Variants in ZNF385D observed in about 807,000 individuals in gnomAD.
ZNF385D encodes zinc finger protein 385D, also known as zinc finger protein 659.
A neutral mutation model predicts 35.8 loss-of-function variants in ZNF385D; 15 were observed. The ratio of observed to expected loss-of-function variants is 0.42; its 90% CI spans 0.28 to 0.64. The LOEUF (loss-of-function observed/expected upper bound fraction) is 0.64, where lower values mean the gene tolerates loss of function less well. ZNF385D is among the 30% of genes least tolerant of loss of function. The pLI is 0.23. For missense variants in ZNF385D, 474 were observed against 494.6 expected (o/e 0.96, Z 0.39); for synonymous variants, 212 against 186.8 (o/e 1.13, Z -1.10).
chr3:22,128,914 G>A (rs577482493), intron 3 of ZNF385D, among the ~76,000 whole-genome samples: 1 of 152,088 alleles, frequency 6.6e-6, no homozygotes, highest in Non-Finnish European at 1.5e-5. Context: ...GAAGAACTAG[G>A]TATTTATTCT....
chr3:21,661,810 C>G (rs1489933287), intron 2 of ZNF385D, among the ~76,000 whole-genome samples: 2 of 152,138 alleles, frequency 1.3e-5, no homozygotes, highest in Admixed American at 1.3e-4. Context: ...AGCTCTGATT[C>G]TACATCTTTC....
chr3:21,592,563 C>CA (rs200460514), intron 2 of ZNF385D, among the ~76,000 whole-genome samples: 9,216 of 92,236 alleles, frequency 0.1, 576 homozygotes, highest in East Asian at 0.22. Flanking sequence ...AAACCAAAAA[C>CA]AAAAAAAAAA....
At chr3:21,714,186 A>G (rs561484412) in intron 1 of ZNF385D, among the ~76,000 whole-genome samples, 1 of 139,668 alleles carries the variant, frequency 7.2e-6, no homozygotes. Flanking sequence ...ATTAAAACCC[A>G]TGGTCATTAA....
intron 2 of ZNF385D, among the ~76,000 whole-genome samples, chr3:22,362,439 T>C (rs1039390440): frequency 6.6e-6 from 1 of 152,130 alleles, no homozygotes; most frequent in Non-Finnish European, 1.5e-5. Flanking sequence ...AAAGCAATTT[T>C]CTAAGGTCAA....
intron 2 of ZNF385D, among the ~76,000 whole-genome samples, chr3:22,305,874 C>T (rs1210542556): frequency 6.6e-6 from 1 of 152,116 alleles, no homozygotes; most frequent in East Asian, 1.9e-4. Flanking sequence ...TTTGTTTGGT[C>T]TTAAACTAGA....
At chr3:22,060,274 T>C (rs1204723419) in intron 3 of ZNF385D, among the ~76,000 whole-genome samples, 3 of 152,310 alleles carry the variant, frequency 2.0e-5, no homozygotes, top group Middle Eastern at 3.4e-3. Flanking sequence ...CCTCCTCTTA[T>C]ACTGTGTATC....
intron 2 of ZNF385D, among the ~76,000 whole-genome samples, chr3:22,264,474 A>G (rs1700795060): frequency 6.6e-6 from 1 of 152,038 alleles, no homozygotes; most frequent in African/African-American, 2.4e-5. Flanking sequence ...CAGAGCCTAG[A>G]GGCTAATAGC....
rs961963281 is a variant in ZNF385D, at chr3:22,155,950, T to G, written c.325+12867A>C. ...CAGATACCCCAGGGTAAAAATCAGTTTATCAAGGACTTTGAATTTTAGATG... is the reference window on the plus strand; with the variant it reads ...CAGATACCCCAGGGTAAAAATCAGTGTATCAAGGACTTTGAATTTTAGATG... On this transcript the variant is annotated intron_variant, in intron 3 of 5. Transcript: ENST00000494108. Among the ~76,000 whole-genome samples the G allele has an allele frequency of 4.6e-5, 7 of 152,044 alleles. No homozygotes were observed. The East Asian group carries it at 9.7e-4, about 21-fold the overall frequency.
chr3:21,702,300 AC>A (rs2067719050), intron 1 of ZNF385D, among the ~76,000 whole-genome samples: 1 of 152,124 alleles, frequency 6.6e-6, no homozygotes, highest in African/African-American at 2.4e-5. Context: ...TGGGGCTTCC[AC>A]CCTCTGAAGC....
At chr3:21,983,488 A>G (rs1694627235) in intron 3 of ZNF385D, among the ~76,000 whole-genome samples, 3 of 129,470 alleles carry the variant, frequency 2.3e-5, no homozygotes, top group Admixed American at 8.3e-5. Context: ...TACAAAGGAC[A>G]TGAACTCATC....
intron 3 of ZNF385D, among the ~76,000 whole-genome samples, chr3:22,102,846 T>C (rs1290787554): frequency 6.6e-6 from 1 of 151,516 alleles, no homozygotes; most frequent in African/African-American, 2.4e-5. Flanking sequence ...GGGGCCTTTT[T>C]TTATTTTGAT....
At chr3:21,652,986 G>C (rs938687058) in intron 2 of ZNF385D, among the ~76,000 whole-genome samples, 10 of 151,938 alleles carry the variant, frequency 6.6e-5, no homozygotes, top group Non-Finnish European at 1.3e-4. Flanking sequence ...CTCTTCCAGT[G>C]TCACTCACTC....
At chr3:21,608,704 C>G (rs1049916370) in intron 2 of ZNF385D, among the ~76,000 whole-genome samples, 1 of 152,076 alleles carries the variant, frequency 6.6e-6, no homozygotes, top group African/African-American at 2.4e-5. Flanking sequence ...TGACTTTTCC[C>G]ATGTTTTACC....
At chr3:21,836,665 C>T (rs941758047) in intron 3 of ZNF385D, among the ~76,000 whole-genome samples, 30 of 152,040 alleles carry the variant, frequency 2.0e-4, no homozygotes, top group Non-Finnish European at 1.5e-4. Flanking sequence ...AGTATGTAAA[C>T]GAAGGAGCAC....
At chr3:21,448,154 G>T (rs748046954) in intron 4 of ZNF385D, among the ~76,000 whole-genome samples, 94 of 152,036 alleles carry the variant, frequency 6.2e-4, no homozygotes, top group Non-Finnish European at 1.1e-3. Flanking sequence ...CTAGATTAAA[G>T]GATTTTTCAT....
intron 3 of ZNF385D, among the ~76,000 whole-genome samples, chr3:21,983,168 T>TA (rs1168171593): frequency 2.1e-5 from 1 of 46,880 alleles, no homozygotes; most frequent in Non-Finnish European, 3.9e-5. Flanking sequence ...TATTTTATTA[T>TA]TTTTTTTTAT....
intron 3 of ZNF385D, among the ~76,000 whole-genome samples, chr3:21,813,080 C>G (rs1480913142): frequency 3.9e-5 from 6 of 152,196 alleles, no homozygotes; most frequent in Non-Finnish European, 5.9e-5. Context: ...CCCAGGCAAA[C>G]AGGGTCTGGA....
At chr3:21,596,624 G>A (rs982542081) in intron 2 of ZNF385D, among the ~76,000 whole-genome samples, 1 of 150,552 alleles carries the variant, frequency 6.6e-6, no homozygotes, top group African/African-American at 2.4e-5. Context: ...GAGACTACAG[G>A]CAACATCATG....
At chr3:21,794,513 G>T (rs946690138) in intron 3 of ZNF385D, among the ~76,000 whole-genome samples, 5 of 152,146 alleles carry the variant, frequency 3.3e-5, no homozygotes, top group Non-Finnish European at 7.4e-5. Context: ...CAGTTCTAAA[G>T]AATGGATGCC....
Sources: allele counts gnomAD v4.1 joint callset (sites outside exome capture counted in the v4.1 genomes callset), GRCh38; gene constraint gnomAD v4.1.1; transcripts MANE v1.5; gene names NCBI Gene and HGNC (gene_info 2026-07-23, HGNC 2026-07-21).